Variants in ITPR1 observed in about 807,000 individuals in gnomAD.
The protein encoded by ITPR1 is inositol 1,4,5-trisphosphate receptor type 1, also known as inositol 1,4,5-trisphosphate-gated calcium channel ITPR1.
In ITPR1, 96 loss-of-function variants were observed where a neutral mutation model predicts 318.4. The observed-to-expected ratio is 0.30, with a 90% CI of 0.26 to 0.36. The LOEUF (loss-of-function observed/expected upper bound fraction) is 0.36. Ranked by LOEUF, ITPR1 falls within the 10% of genes least tolerant of loss-of-function variation. ITPR1 has a pLI of 1.00. For missense variants in ITPR1, 2,440 were observed against 3,460.2 expected (o/e 0.71, Z 7.40); for synonymous variants, 1,312 against 1,289.9 (o/e 1.02, Z -0.37).
At position 4,596,529 on chromosome 3, in the gene ITPR1, T is replaced by C. The variant is rs577474844; in HGVS notation, c.164-31234T>C. Reference sequence around the variant, plus strand: ...TTTGTGTTTCAAAAGGCTTAGCAACTGGTGGTCACAGATGGGTTTTTAGTT... The same window carrying C: ...TTTGTGTTTCAAAAGGCTTAGCAACCGGTGGTCACAGATGGGTTTTTAGTT... On this transcript the variant is annotated intron_variant, in intron 4 of 61. Coordinates refer to ENST00000649015, the MANE Select transcript of ITPR1 (RefSeq NM_001378452.1). Among the ~76,000 whole-genome samples the C allele has an allele frequency of 5.3e-5, 8 of 152,336 alleles. No individual in the cohort carries two copies. In the South Asian group the frequency reaches 1.0e-3, roughly 20 times the overall value.
chr3:4,621,927 T>TC, intron 4 of ITPR1, among the ~76,000 whole-genome samples: 1 of 152,182 alleles, frequency 6.6e-6, no homozygotes, highest in South Asian at 2.1e-4. Flanking sequence ...AAGTGTTGCC[T>TC]CCCCACCTCA....
At chr3:4,676,575 A>C in intron 23 of ITPR1, 39 bp from the exon 24 acceptor site, 181 of 1,542,488 alleles carry the variant, frequency 1.2e-4, no homozygotes, top group Non-Finnish European at 1.4e-4. Context: ...AGCATTCTCT[A>C]GAGACATTGT....
At chr3:4,832,080 G>A (rs939545296) in intron 60 of ITPR1, among the ~76,000 whole-genome samples, 5 of 152,300 alleles carry the variant, frequency 3.3e-5, no homozygotes, top group African/African-American at 1.2e-4. Context: ...TAATTTCACA[G>A]CCCAGGATGA....
intron 4 of ITPR1, among the ~76,000 whole-genome samples, chr3:4,570,920 A>G (rs1026658790): frequency 6.6e-6 from 1 of 152,230 alleles, no homozygotes; most frequent in African/African-American, 2.4e-5. Flanking sequence ...CTGTGGTCAC[A>G]GAGGTTCTGC....
chr3:4,794,863 C>T, intron 52 of ITPR1: 1 of 509,880 alleles, frequency 2.0e-6, no homozygotes, highest in Non-Finnish European at 3.3e-6. Flanking sequence ...TCTTCTGTTC[C>T]AGTAAGTACT....
At chr3:4,740,456 G>A (rs756071569) in intron 44 of ITPR1, among the ~76,000 whole-genome samples, 67 of 152,198 alleles carry the variant, frequency 4.4e-4, no homozygotes, top group Non-Finnish European at 8.8e-4. Context: ...GACCCTAGAG[G>A]ATTCAATTTA....
chr3:4,769,096 C>T (rs964476794), intron 46 of ITPR1, among the ~76,000 whole-genome samples: 1 of 151,924 alleles, frequency 6.6e-6, no homozygotes, highest in Non-Finnish European at 1.5e-5. Flanking sequence ...GATGGGTTTT[C>T]ATCATGTTGG....
rs2046915172 is a variant in ITPR1 at position 4,782,734 on chromosome 3, C to T, written c.6503C>T (p.Ala2168Val). Residue 2168 changes from alanine (A) to valine (V), a missense_variant, in exon 50 of 62, where the codon GCC (alanine) becomes GTC (valine). This residue lies in a region of ITPR1 where 115 missense variants were observed against 204.5 expected (regional missense o/e 0.56). Coordinates refer to ENST00000649015, the MANE Select transcript of ITPR1 (RefSeq NM_001378452.1). The part of the protein sequence containing the change: ...RNVGHNIYIL[A>V]HQLARHNKEL... ...GTGGGGCACAACATCTACATATTAG[C>T]CCATCAGGTATGATCTCTCCTGTGC... 7 of 1,564,400 alleles carry T rather than the reference C, an allele frequency of 4.5e-6. No individual in the cohort carries two copies. Among genetic ancestry groups the T allele is most frequent in the Non-Finnish European group, 6.1e-6 (7 of 1,154,094 alleles).
chr3:4,585,442 A>G (rs1391444417), intron 4 of ITPR1, among the ~76,000 whole-genome samples: 3 of 151,438 alleles, frequency 2.0e-5, no homozygotes, highest in Non-Finnish European at 4.4e-5. Context: ...TTTTTATCTT[A>G]TTTATTTATT....
At chr3:4,561,953 T>TCAA (rs2086713719) in intron 4 of ITPR1, among the ~76,000 whole-genome samples, 1 of 152,182 alleles carries the variant, frequency 6.6e-6, no homozygotes, top group Non-Finnish European at 1.5e-5. Context: ...TTTATTCAAT[T>TCAA]TTGTCTTTAA....
At chr3:4,627,959 G>C in intron 5 of ITPR1, 81 bp downstream of exon 5, 1 of 803,154 alleles carries the variant, frequency 1.2e-6, no homozygotes, top group South Asian at 2.2e-5. Flanking sequence ...GTGGGAGACT[G>C]CTTATGCAAC....
intron 49 of ITPR1, 101 bp from the exon 50 acceptor site, chr3:4,782,517 CT>C: frequency 3.1e-6 from 4 of 1,283,634 alleles, no homozygotes; most frequent in South Asian, 1.6e-5. Context: ...GCGGAACAGC[CT>C]TTTCCCTGGG....
intron 44 of ITPR1, among the ~76,000 whole-genome samples, chr3:4,746,970 C>G (rs779416942): frequency 6.6e-6 from 1 of 152,150 alleles, no homozygotes; most frequent in African/African-American, 2.4e-5. Flanking sequence ...GTGTGGCCAC[C>G]GTGTTACTTT....
intron 4 of ITPR1, among the ~76,000 whole-genome samples, chr3:4,598,487 G>A (rs766056671): frequency 6.6e-6 from 1 of 152,068 alleles, no homozygotes; most frequent in Non-Finnish European, 1.5e-5. Context: ...TGGGTGTGGT[G>A]GTGGGTGCCT....
rs570637081 is a variant in ITPR1, at chr3:4,736,705, G to T, written c.5544+1351G>T. 1.1e-4 allele frequency among the ~76,000 whole-genome samples: 16 copies of T among 152,346 alleles called. No homozygotes were observed. In the South Asian group the frequency reaches 1.4e-3, roughly 14 times the overall value. ...CATGTGTGTGTGGGTGGGTCCTGCA[G>T]TCCTTCTCATCAATGGAATGTTGCC... On this transcript the variant is annotated intron_variant, in intron 44 of 61. Transcript: ENST00000649015.
At chr3:4,656,964 T>A (rs777653623) in intron 12 of ITPR1, among the ~76,000 whole-genome samples, 1 of 152,216 alleles carries the variant, frequency 6.6e-6, no homozygotes, top group Non-Finnish European at 1.5e-5. Flanking sequence ...CTTGAATATC[T>A]GTAGGCAGAT....
At chr3:4,674,106 G>A (rs185122775) in intron 21 of ITPR1, 96 bp from the exon 22 acceptor site, 1 of 929,404 alleles carries the variant, frequency 1.1e-6, no homozygotes, top group African/African-American at 1.7e-5. Flanking sequence ...GATGCCAAGG[G>A]TTAGGGGATG....
At chr3:4,720,347 C>A (rs549593506) in intron 40 of ITPR1, among the ~76,000 whole-genome samples, 2 of 152,188 alleles carry the variant, frequency 1.3e-5, no homozygotes, top group Non-Finnish European at 2.9e-5. Context: ...CAGGTAGCGG[C>A]TTAGGAGATC....
Position 4,826,033 on chromosome 3 carries a change from A to AGAG in ITPR1, c.8028+7792_8028+7794dup, listed in dbSNP as rs1407023686. Among the ~76,000 whole-genome samples the AGAG allele has an allele frequency of 2.0e-5, 3 of 152,254 alleles. No homozygotes were observed. The East Asian group carries it at 5.8e-4, about 29-fold the overall frequency. On this transcript the variant is annotated intron_variant, in intron 60 of 61. Coordinates refer to ENST00000649015, the MANE Select transcript of ITPR1 (RefSeq NM_001378452.1). This position sits in a 1 kb window ranked among gnomAD's most constrained non-coding sequence, Gnocchi z 4.2. ...CTGCCAGACAGCACTTAGGTGCAGG[A>AGAG]GAGAGGAAGGGCGAGTCCAACAGGG... is the stretch of plus-strand genomic sequence containing the variant.
Sources: allele counts gnomAD v4.1 joint callset (sites outside exome capture counted in the v4.1 genomes callset), GRCh38; gene constraint gnomAD v4.1.1; regional missense constraint gnomAD v4.1.1; non-coding constraint Gnocchi (gnomAD v3.1); transcripts MANE v1.5; gene names NCBI Gene and HGNC (gene_info 2026-07-23, HGNC 2026-07-21).